Variants in TRAPPC8 observed in about 807,000 individuals in gnomAD.
The protein encoded by TRAPPC8 is general sporulation gene 1 homolog.
A neutral mutation model predicts 174.3 loss-of-function variants in TRAPPC8; 54 were observed. That is an observed-to-expected ratio of 0.31 (90% confidence interval 0.25 to 0.39). The LOEUF is 0.39. Ranked by LOEUF, TRAPPC8 falls within the 10% of genes least tolerant of loss-of-function variation. The pLI, the probability that TRAPPC8 is intolerant of heterozygous loss-of-function variation, is 1.00. For missense variants in TRAPPC8, 1,531 were observed against 1,699.1 expected (o/e 0.90, Z 1.74); for synonymous variants, 630 against 579.9 (o/e 1.09, Z -1.24).
At chr18:31,910,746 T>C (rs370896570) in intron 5 of TRAPPC8, among the ~76,000 whole-genome samples, 37 of 152,320 alleles carry the variant, frequency 2.4e-4, no homozygotes, top group African/African-American at 8.2e-4. Flanking sequence ...TAAACTATTC[T>C]CCAACTTTGA....
At chr18:31,864,000 ACTT>A (rs1259353915) in intron 19 of TRAPPC8, among the ~76,000 whole-genome samples, 1 of 148,252 alleles carries the variant, frequency 6.7e-6, no homozygotes, top group Non-Finnish European at 1.5e-5. Flanking sequence ...ATATTATAAT[ACTT>A]TATTATAATA....
intron 12 of TRAPPC8, among the ~76,000 whole-genome samples, chr18:31,877,672 C>G (rs2035228077): frequency 6.6e-6 from 1 of 150,960 alleles, no homozygotes; most frequent in Admixed American, 6.6e-5. Context: ...CCTATAATCC[C>G]AGGCACTTTG....
In TRAPPC8 at chr18:31,849,715, C is replaced by T; in HGVS notation, c.3586G>A (p.Ala1196Thr). ...EQIISSASPC[A>T]DFFYRSLSSE... is the part of the protein sequence containing the mutation. ...GATAAACTTCGATAAAAGAAGTCTG[C>T]ACATGGGCTTGCTGAACTTATTATC... The change falls in exon 25 of 29, where the codon GCA (alanine) becomes ACA (threonine). Residue 1196 changes from alanine to threonine, a missense_variant. Ala to Thr is a moderately conservative substitution (Grantham distance 58, BLOSUM62 0). Coordinates refer to ENST00000283351, the MANE Select transcript of TRAPPC8 (RefSeq NM_014939.5). 1 of 1,607,312 alleles carries T rather than the reference C, an allele frequency of 6.2e-7. No homozygotes were observed. Among genetic ancestry groups the T allele is most frequent in the Non-Finnish European group, 8.5e-7 (1 of 1,177,214 alleles).
chr18:31,855,579 G>T, intron 21 of TRAPPC8, 81 bp downstream of exon 21: 3 of 1,290,778 alleles, frequency 2.3e-6, no homozygotes, highest in African/African-American at 1.5e-5. Flanking sequence ...GTCTTGTAAA[G>T]GAAAACAAAA....
intron 5 of TRAPPC8, among the ~76,000 whole-genome samples, chr18:31,911,246 G>A (rs181367224): frequency 3.9e-5 from 6 of 152,286 alleles, no homozygotes; most frequent in African/African-American, 1.2e-4. Context: ...GCCAGGCGCT[G>A]TGGCTTACGC....
intron 1 of TRAPPC8, among the ~76,000 whole-genome samples, chr18:31,941,742 T>C: frequency 6.6e-6 from 1 of 152,204 alleles, no homozygotes; most frequent in Admixed American, 6.5e-5. Flanking sequence ...TGACACAGGC[T>C]TATTATGAAA....
intron 12 of TRAPPC8, among the ~76,000 whole-genome samples, chr18:31,875,975 T>G (rs1173228614): frequency 6.6e-6 from 1 of 151,990 alleles, no homozygotes; most frequent in Non-Finnish European, 1.5e-5. Context: ...ATAGAAGAAA[T>G]AAGACCTAGC....
At chr18:31,835,160 G>A (rs2032636624) in intron 27 of TRAPPC8, among the ~76,000 whole-genome samples, 1 of 152,076 alleles carries the variant, frequency 6.6e-6, no homozygotes, top group Non-Finnish European at 1.5e-5. Flanking sequence ...AATTCTTTGG[G>A]GGAAAGGGGA....
intron 7 of TRAPPC8, 141 bp from the exon 8 acceptor site, chr18:31,908,559 G>T: frequency 1.2e-6 from 1 of 858,052 alleles, no homozygotes; most frequent in Non-Finnish European, 1.7e-6. Context: ...CAATATGCTG[G>T]CAAAATCCTA....
intron 9 of TRAPPC8, among the ~76,000 whole-genome samples, chr18:31,903,967 G>A (rs556489977): frequency 6.6e-6 from 1 of 152,212 alleles, no homozygotes; most frequent in South Asian, 2.1e-4. Context: ...TAAGCACAGT[G>A]CCACATGCCT....
chr18:31,915,853 C>G (rs1366526446), intron 4 of TRAPPC8, among the ~76,000 whole-genome samples: 1 of 147,908 alleles, frequency 6.8e-6, no homozygotes, highest in African/African-American at 2.5e-5. Flanking sequence ...TGCCACTGCA[C>G]TCCAGCCTGG....
intron 5 of TRAPPC8, among the ~76,000 whole-genome samples, chr18:31,910,783 T>A (rs946937902): frequency 5.9e-5 from 9 of 152,246 alleles, no homozygotes; most frequent in Non-Finnish European, 1.0e-4. Flanking sequence ...GGCATAGATT[T>A]CTGATATTTC....
chr18:31,855,665 T>G lies in TRAPPC8; in HGVS notation c.3331A>C (p.Asn1111His). Reference sequence around the variant, plus strand: ...TCAGTTTTAAACCAACTTACAGTATTGGTATTTTCCACATCCACAAAGACT... The same window carrying G: ...TCAGTTTTAAACCAACTTACAGTATGGGTATTTTCCACATCCACAAAGACT... ...MLVFVDVENTNTSEAGVKEFH... is the reference protein window; with the variant it reads ...MLVFVDVENTHTSEAGVKEFH... The change falls in exon 21 of 29, where the codon AAT becomes CAT. Residue 1111 changes from asparagine (N) to histidine (H), a missense_variant. Asn to His is a moderately conservative substitution (Grantham distance 68). Coordinates refer to ENST00000283351, the MANE Select transcript of TRAPPC8 (RefSeq NM_014939.5). The G allele has an allele frequency of 6.3e-7, 1 of 1,589,524 alleles. No individual in the cohort carries two copies. Among genetic ancestry groups the G allele is most frequent in the Non-Finnish European group, 8.5e-7 (1 of 1,174,242 alleles).
intron 4 of TRAPPC8, among the ~76,000 whole-genome samples, chr18:31,915,207 G>T (rs953272286): frequency 6.6e-6 from 1 of 152,180 alleles, no homozygotes; most frequent in Non-Finnish European, 1.5e-5. Flanking sequence ...GGTGGCTCAC[G>T]CCTGTAATCC....
intron 12 of TRAPPC8, among the ~76,000 whole-genome samples, chr18:31,879,944 AAGT>A (rs2035335062): frequency 1.3e-5 from 2 of 148,940 alleles, no homozygotes; most frequent in South Asian, 4.3e-4. Flanking sequence ...ATAGGTCATT[AAGT>A]AGTTACAAAA....
At position 31,920,226 on chromosome 18, in the gene TRAPPC8, T is replaced by TA. The variant is rs2037324570; in HGVS notation, c.353-2560dup. ...AATTAAACAAATGACAGATAAATTA[T>TA]AGTCATATGAAATTGGGTTTGTTTC... On this transcript the variant is annotated intron_variant, in intron 2 of 28. Transcript: ENST00000283351. Among the ~76,000 whole-genome samples, 3 of 152,252 alleles carry TA rather than the reference T, an allele frequency of 2.0e-5. No individual in the cohort carries two copies. The South Asian group carries it at 6.2e-4, about 31-fold the overall frequency.
At chr18:31,848,832 G>A (rs1040057310) in intron 25 of TRAPPC8, among the ~76,000 whole-genome samples, 4 of 152,104 alleles carry the variant, frequency 2.6e-5, no homozygotes, top group African/African-American at 9.7e-5. Flanking sequence ...ATACAAAAGG[G>A]TGTAACGTAA....
Position 31,901,009 on chromosome 18 carries a change from G to A in TRAPPC8, c.1406C>T (p.Ser469Phe). 2 of 1,587,718 alleles carry A rather than the reference G, an allele frequency of 1.3e-6. No individual in the cohort carries two copies. The highest frequency in any genetic ancestry group is 1.7e-6 in the Non-Finnish European group (2 of 1,172,842). ...AGGTGCTCCTGGTTGAAGAAAAGCA[G>A]ACACTGCTGCCATTTCCTAAAATAA... Reference protein sequence around the residue: ...AAGALEMAAVSAFLQPGAPRP... With the variant: ...AAGALEMAAVFAFLQPGAPRP... The change falls in exon 10 of 29, where the codon TCT becomes TTT. Residue 469 changes from serine (S) to phenylalanine (F), a missense_variant. Physicochemically the swap from Ser to Phe is radical, Grantham distance 155. Coordinates refer to ENST00000283351, the MANE Select transcript of TRAPPC8 (RefSeq NM_014939.5).
At chr18:31,927,742 T>A (rs1444663711) in intron 2 of TRAPPC8, among the ~76,000 whole-genome samples, 1 of 152,130 alleles carries the variant, frequency 6.6e-6, no homozygotes, top group East Asian at 1.9e-4. Flanking sequence ...GCTTTGGAGG[T>A]TAGCAAAATA....
Sources: allele counts gnomAD v4.1 joint callset (sites outside exome capture counted in the v4.1 genomes callset), GRCh38; gene constraint gnomAD v4.1.1; transcripts MANE v1.5; gene names NCBI Gene and HGNC (gene_info 2026-07-23, HGNC 2026-07-21).